CACNA1G: variants seen among roughly 807,000 people sequenced by gnomAD.
CACNA1G encodes calcium voltage-gated channel subunit alpha1 G.
Under a neutral mutation model 219.4 loss-of-function variants are expected in CACNA1G, and 67 were observed. That is an observed-to-expected ratio of 0.31 (90% CI 0.25 to 0.37). The LOEUF (loss-of-function observed/expected upper bound fraction) is 0.37, where lower values mean the gene tolerates loss of function less well. Among genes scored for constraint, CACNA1G ranks in the 10% least tolerant of loss-of-function variants. The pLI is 1.00. For missense variants in CACNA1G, 2,380 were observed against 3,231.4 expected, an observed-to-expected ratio of 0.74 and a Z score of 6.39; for synonymous variants, 1,296 against 1,345.3, an observed-to-expected ratio of 0.96 and a Z score of 0.80.
At chr17:50,569,887 T>A in intron 4 of CACNA1G, 84 bp downstream of exon 4, 2 of 1,040,080 alleles carry the variant, frequency 1.9e-6, no homozygotes, top group Non-Finnish European at 2.9e-6. Flanking sequence ...TACTACTGTG[T>A]CCTCACCTGA....
At chr17:50,598,244 G>A (rs1008610814) in intron 16 of CACNA1G, among the ~76,000 whole-genome samples, 1 of 152,196 alleles carries the variant, frequency 6.6e-6, no homozygotes, top group African/African-American at 2.4e-5. Context: ...GGCCAGGCTG[G>A]TCTCAAATAC....
intron 2 of CACNA1G, 89 bp from the exon 3 acceptor site, chr17:50,569,074 GCC>G: frequency 6.4e-7 from 1 of 1,556,390 alleles, no homozygotes. Flanking sequence ...TCTGCAAGAG[GCC>G]CTGACCCAAC....
chr17:50,598,884 G>A (rs1044907609), intron 16 of CACNA1G, among the ~76,000 whole-genome samples: 1 of 152,178 alleles, frequency 6.6e-6, no homozygotes, highest in African/African-American at 2.4e-5. Flanking sequence ...GAGCCACCAT[G>A]CCCAACTAAT....
rs2051023635 is a variant in CACNA1G at position 50,618,395 on chromosome 17, G to A, written c.5427+52G>A. On this transcript the variant is annotated intron_variant, in intron 32 of 37. Coordinates refer to ENST00000359106, the MANE Select transcript of CACNA1G (RefSeq NM_018896.5). The surrounding 1 kb of genome is among the most constrained non-coding windows in gnomAD (Gnocchi z 5.3). ...CCAGGGAGGCAGCCCCACTTCCTGA[G>A]CTAGGATTCCTTGGGAAGATGAATT... 1.3e-6 allele frequency: 2 copies of A among 1,596,648 alleles called. No homozygotes were observed. The highest frequency in any genetic ancestry group is 1.7e-5 in the Admixed American group (1 of 58,876).
chr17:50,589,443 G>T (rs541400296), intron 9 of CACNA1G, among the ~76,000 whole-genome samples: 3 of 152,274 alleles, frequency 2.0e-5, no homozygotes, highest in African/African-American at 4.8e-5. Context: ...TTATTCAGCC[G>T]TTTTGTGTGT....
At chr17:50,606,079 G>A (rs2145922412) in intron 23 of CACNA1G, 56 bp downstream of exon 23, 1 of 1,612,238 alleles carries the variant, frequency 6.2e-7, no homozygotes, top group Non-Finnish European at 8.5e-7. Context: ...GGGGGCACAG[G>A]GCCATGCTTA....
chr17:50,567,869 C>T (rs1217492019), intron 1 of CACNA1G, among the ~76,000 whole-genome samples: 1 of 152,096 alleles, frequency 6.6e-6, no homozygotes, highest in Admixed American at 6.5e-5. Context: ...TGGAAAGACC[C>T]AGGGTTTAGA....
rs7216910 is a variant in CACNA1G, at chr17:50,604,498, C to A, written c.4296+217C>A. 0.81 allele frequency among the ~76,000 whole-genome samples: 123,945 copies of A among 152,294 alleles called. 51,009 individuals are homozygous for A. Among genetic ancestry groups the A allele is most frequent in the East Asian group, 0.99 (5,127 of 5,190 alleles). ...AGGCCCCAAGGAGGACCGGGGCTGC[C>A]GAGAGGCTTCAGGCCATGGGAGCCG... is the stretch of plus-strand genomic sequence containing the variant. On this transcript the variant is annotated intron_variant, in intron 22 of 37. Coordinates refer to ENST00000359106, the MANE Select transcript of CACNA1G (RefSeq NM_018896.5).
At chr17:50,597,749 A>G (rs912660482) in intron 16 of CACNA1G, among the ~76,000 whole-genome samples, 1 of 152,192 alleles carries the variant, frequency 6.6e-6, no homozygotes, top group Non-Finnish European at 1.5e-5. Flanking sequence ...CTCCTGTCCA[A>G]CTGAAACTTC....
chr17:50,590,977 C>G (rs1449703403), intron 10 of CACNA1G, among the ~76,000 whole-genome samples: 1 of 152,156 alleles, frequency 6.6e-6, no homozygotes, highest in African/African-American at 2.4e-5. Flanking sequence ...TGAGGCCCAG[C>G]CAGCTGCCCG....
chr17:50,604,611 G>A (rs990351281), intron 22 of CACNA1G, among the ~76,000 whole-genome samples: 3 of 152,310 alleles, frequency 2.0e-5, no homozygotes, highest in African/African-American at 4.8e-5. Flanking sequence ...CTTCCTTCCC[G>A]GCTCGAGCAC....
At chr17:50,601,013 G>T (rs1394034504) in intron 18 of CACNA1G, 38 bp from the exon 19 acceptor site, 2 of 1,606,768 alleles carry the variant, frequency 1.2e-6, no homozygotes, top group Non-Finnish European at 1.7e-6. Context: ...CACCTGCCCT[G>T]CCTCCCCCTC....
Position 50,607,912 on chromosome 17 carries a change from T to C in CACNA1G, c.4598T>C (p.Val1533Ala). Residue 1533 changes from valine (V) to alanine (A), a missense_variant, in exon 25 of 38, where the codon GTG (valine) becomes GCG (alanine). This residue lies in a region of CACNA1G where 153 missense variants were observed against 374.9 expected (regional missense o/e 0.41). Coordinates refer to ENST00000359106, the MANE Select transcript of CACNA1G (RefSeq NM_018896.5). ...IVAFFVLNMF[V>A]GVVVENFHKC... ...GCCTTCTTTGTCCTGAACATGTTTG[T>C]GGGTGTGGTGGTGGAGAACTTCCAC... The C allele has an allele frequency of 6.2e-7, 1 of 1,613,992 alleles. No individual in the cohort carries two copies. Among genetic ancestry groups the C allele is most frequent in the Non-Finnish European group, 8.5e-7 (1 of 1,179,896 alleles).
At chr17:50,609,816 C>T in intron 25 of CACNA1G, 66 bp from the exon 26 acceptor site, 6 of 1,480,038 alleles carry the variant, frequency 4.1e-6, no homozygotes, top group Non-Finnish European at 4.7e-6. Context: ...GGGAAGCCGC[C>T]CCTGAGGGGC....
Position 50,619,708 on chromosome 17 carries a change from C to T in CACNA1G, c.5807C>T (p.Ser1936Phe). The stretch of plus-strand genomic sequence containing the variant: ...GACAGGCAGCTGTTTGACACCATAT[C>T]CCTGCTGATCCAGGGCTCCCTGGAG... ...PTDRQLFDTI[S>F]LLIQGSLEWE... The change falls in exon 34 of 38, where the codon TCC becomes TTC. Residue 1936 changes from serine (S) to phenylalanine (F), a missense_variant. This residue lies in a region of CACNA1G where 672 missense variants were observed against 670.5 expected (regional missense o/e 1.00). Transcript: ENST00000359106. 1 of 1,610,630 alleles carries T rather than the reference C, an allele frequency of 6.2e-7. No homozygotes were observed.
chr17:50,596,500 G>A lies in CACNA1G; in HGVS notation c.2980-62G>A, dbSNP rs973983983. 9 of 1,365,128 alleles carry A rather than the reference G, an allele frequency of 6.6e-6. No homozygotes were observed. The African/African-American group carries it at 7.2e-5, about 11-fold the overall frequency. 84.6% of individuals were successfully genotyped at this position (1,365,128 alleles called of 1,614,324 possible). On this transcript the variant is annotated intron_variant, in intron 14 of 37. Transcript: ENST00000359106. The surrounding 1 kb of genome is among the most constrained non-coding windows in gnomAD (Gnocchi z 4.8). ...TGCGTGTGTGAAGAGAGGGAGGCCC[G>A]GTCCATCCCAACCACCCAAGCCTGG...
intron 37 of CACNA1G, among the ~76,000 whole-genome samples, chr17:50,625,335 C>T (rs2053481195): frequency 6.6e-6 from 1 of 152,236 alleles, no homozygotes; most frequent in African/African-American, 2.4e-5. Context: ...AATCTCAATC[C>T]CACATGCTTG....
chr17:50,607,264 G>C, intron 24 of CACNA1G: 6 of 457,426 alleles, frequency 1.3e-5, no homozygotes, highest in Non-Finnish European at 2.5e-5. Flanking sequence ...AGTGCATTGG[G>C]AGGCCTAGGC....
intron 1 of CACNA1G, among the ~76,000 whole-genome samples, chr17:50,568,011 C>T (rs1212238482): frequency 5.3e-5 from 8 of 152,192 alleles, no homozygotes; most frequent in Non-Finnish European, 1.2e-4. Context: ...GAGCTATGCC[C>T]AGCATGGTGC....
Sources: gnomAD v4.1 joint callset for allele counts (sites outside exome capture counted in the v4.1 genomes callset) on GRCh38, gnomAD v4.1.1 for gene constraint, gnomAD v4.1.1 regional missense constraint, Gnocchi (gnomAD v3.1) non-coding constraint, MANE v1.5 for transcripts, NCBI Gene and HGNC (gene_info 2026-07-23, HGNC 2026-07-21) for gene names.